The following CFAP95 variants were observed in gnomAD, a reference collection of about 807,000 sequenced individuals.
CFAP95 encodes the protein cilia- and flagella-associated protein 95.
chr9:69,887,978 G>C, the CFAP95 span, among the ~76,000 whole-genome samples: 1 of 152,108 alleles, frequency 6.6e-6, no homozygotes, highest in East Asian at 1.9e-4. Flanking sequence ...GGATCCAAAA[G>C]AAGAAATTGA....
the CFAP95 span, among the ~76,000 whole-genome samples, chr9:69,873,888 G>A: frequency 3.3e-5 from 5 of 152,212 alleles, no homozygotes; most frequent in African/African-American, 4.8e-5. Flanking sequence ...TGGTGTTAGG[G>A]CAGCTGTAGA....
At chr9:69,856,594 T>G in the CFAP95 span, 1 of 1,611,176 alleles carries the variant, frequency 6.2e-7, no homozygotes. Flanking sequence ...GTCACAAATG[T>G]GTTTAAACAC....
the CFAP95 span, among the ~76,000 whole-genome samples, chr9:69,843,005 C>T: frequency 1.3e-5 from 2 of 152,102 alleles, no homozygotes; most frequent in African/African-American, 2.4e-5. Context: ...AAGAGGATGC[C>T]CTTTGGATTC....
chr9:69,861,121 G>C, the CFAP95 span, among the ~76,000 whole-genome samples: 3 of 152,276 alleles, frequency 2.0e-5, no homozygotes, highest in South Asian at 6.2e-4. Flanking sequence ...ATAGCTGCCA[G>C]CACAGTAGTC....
At chr9:69,903,515 CTCT>C in the CFAP95 span, among the ~76,000 whole-genome samples, 1 of 152,180 alleles carries the variant, frequency 6.6e-6, no homozygotes, top group Non-Finnish European at 1.5e-5. Flanking sequence ...CTATGCTCAC[CTCT>C]TCTTCAGTGT....
At chr9:69,880,747 T>C in the CFAP95 span, among the ~76,000 whole-genome samples, 1 of 152,332 alleles carries the variant, frequency 6.6e-6, no homozygotes, top group African/African-American at 2.4e-5. Context: ...CTGTTCTCCA[T>C]AGTGGTTGTA....
At chr9:69,887,159 C>T in the CFAP95 span, among the ~76,000 whole-genome samples, 1 of 152,164 alleles carries the variant, frequency 6.6e-6, no homozygotes, top group Non-Finnish European at 1.5e-5. Flanking sequence ...TTACTTGTCC[C>T]CTCCCTGAAT....
chr9:69,847,162 A>C, the CFAP95 span, among the ~76,000 whole-genome samples: 2 of 152,208 alleles, frequency 1.3e-5, no homozygotes, highest in Non-Finnish European at 2.9e-5. Flanking sequence ...TATTAAACAA[A>C]AGGAAATAAC....
At chr9:69,854,878 G>A in the CFAP95 span, among the ~76,000 whole-genome samples, 1 of 152,210 alleles carries the variant, frequency 6.6e-6, no homozygotes, top group East Asian at 1.9e-4. Context: ...GTTCTGAGTA[G>A]GTTGATACAA....
At chr9:69,890,780 G>T in the CFAP95 span, among the ~76,000 whole-genome samples, 2 of 152,088 alleles carry the variant, frequency 1.3e-5, no homozygotes. Flanking sequence ...TTATATTATG[G>T]TCTCTTACGT....
the CFAP95 span, chr9:69,820,910 T>C: frequency 9.9e-6 from 16 of 1,614,032 alleles, no homozygotes; most frequent in African/African-American, 1.9e-4. Flanking sequence ...CTGCCAGGAC[T>C]GGTGCGACAG....
the CFAP95 span, among the ~76,000 whole-genome samples, chr9:69,866,243 T>C: frequency 2.0e-5 from 3 of 152,152 alleles, no homozygotes; most frequent in Non-Finnish European, 4.4e-5. Flanking sequence ...ATATGATATG[T>C]ATGAGGAGAT....
chr9:69,848,543 A>C, the CFAP95 span, among the ~76,000 whole-genome samples: 1 of 152,186 alleles, frequency 6.6e-6, no homozygotes, highest in African/African-American at 2.4e-5. Flanking sequence ...AAAGATAAAC[A>C]TACCCAGGGG....
the CFAP95 span, among the ~76,000 whole-genome samples, chr9:69,893,810 A>G: frequency 2.0e-5 from 3 of 152,200 alleles, no homozygotes; most frequent in Non-Finnish European, 2.9e-5. Context: ...TTTTATTTGT[A>G]CTTCATCTGA....
the CFAP95 span, among the ~76,000 whole-genome samples, chr9:69,829,512 G>T: frequency 1.3e-5 from 2 of 152,198 alleles, no homozygotes; most frequent in African/African-American, 2.4e-5. Context: ...GGATAGGAAA[G>T]ATCCTTGCTA....
the CFAP95 span, among the ~76,000 whole-genome samples, chr9:69,841,309 G>T: frequency 6.6e-6 from 1 of 151,148 alleles, no homozygotes; most frequent in Non-Finnish European, 1.5e-5. Context: ...AATATCACTG[G>T]TATGTTTCCC....
the CFAP95 span, among the ~76,000 whole-genome samples, chr9:69,890,090 A>G: frequency 6.6e-6 from 1 of 152,162 alleles, no homozygotes; most frequent in Non-Finnish European, 1.5e-5. Flanking sequence ...GAAACATATC[A>G]TTTTAAAATG....
At chr9:69,876,557 A>T in the CFAP95 span, among the ~76,000 whole-genome samples, 35 of 152,232 alleles carry the variant, frequency 2.3e-4, 1 homozygote, top group South Asian at 1.0e-3. Flanking sequence ...AAAGAGTTTT[A>T]AAAAATTAAT....
the CFAP95 span, among the ~76,000 whole-genome samples, chr9:69,829,766 T>C: frequency 9.8e-5 from 15 of 152,336 alleles, no homozygotes; most frequent in African/African-American, 3.1e-4. Context: ...GACATTTTGA[T>C]AAGGAGAAGT....
Sources: gnomAD v4.1 joint callset for allele counts (sites outside exome capture counted in the v4.1 genomes callset) on GRCh38, gnomAD v4.1.1 for gene constraint, MANE v1.5 for transcripts, NCBI Gene and HGNC (gene_info 2026-07-23, HGNC 2026-07-21) for gene names.